RORA: variants seen among roughly 807,000 people sequenced by gnomAD.
RORA encodes the protein RAR related orphan receptor A, also known as nuclear receptor ROR-alpha.
A neutral mutation model predicts 69.5 loss-of-function variants in RORA; 7 were observed. The ratio of observed to expected loss-of-function variants is 0.10; its 90% CI spans 0.06 to 0.19. RORA has a LOEUF of 0.19. RORA is among the 10% of genes least tolerant of loss of function. The pLI, the probability that RORA is intolerant of heterozygous loss-of-function variation, is 1.00. For synonymous variants in RORA, 261 were observed against 240.8 expected (o/e 1.08, Z -0.78); for missense variants, 457 against 663.0 (o/e 0.69, Z 3.41).
At chr15:61,211,394 C>T (rs1289630155) in intron 1 of RORA, among the ~76,000 whole-genome samples, 2 of 152,090 alleles carry the variant, frequency 1.3e-5, no homozygotes, top group African/African-American at 2.4e-5. Context: ...AAACTCCAGC[C>T]GGAGCTCAGC....
In RORA at chr15:60,537,660, G is replaced by A. The variant is rs142979313; in HGVS notation, c.197-5809C>T. ...CATGTTCAATGGCCATCAGGGATGA[G>A]TAGAGCCGAGTTATAGCTGCATCCT... is the stretch of plus-strand genomic sequence containing the variant. On this transcript the variant is annotated intron_variant, in intron 2 of 10. Coordinates refer to ENST00000335670, the MANE Select transcript of RORA (RefSeq NM_134261.3). The surrounding 1 kb of genome is among the most constrained non-coding windows in gnomAD (Gnocchi z 4.9). Among the ~76,000 whole-genome samples, 244 of 152,364 alleles carry A rather than the reference G, an allele frequency of 1.6e-3. 2 individuals are homozygous for A. Among genetic ancestry groups the A allele is most frequent in the African/African-American group, 5.5e-3 (227 of 41,590 alleles).
intron 2 of RORA, among the ~76,000 whole-genome samples, chr15:60,532,544 A>G (rs2066557355): frequency 6.6e-6 from 1 of 152,174 alleles, no homozygotes; most frequent in African/African-American, 2.4e-5. Context: ...TACCCAACTG[A>G]TTACTTAAAG....
intron 1 of RORA, among the ~76,000 whole-genome samples, chr15:60,726,173 TG>T (rs2071354568): frequency 6.6e-6 from 1 of 152,122 alleles, no homozygotes; most frequent in Non-Finnish European, 1.5e-5. Context: ...GACTCCAAAA[TG>T]ATACTCTTTC....
At chr15:61,031,194 G>A (rs965319698) in intron 1 of RORA, among the ~76,000 whole-genome samples, 2 of 152,100 alleles carry the variant, frequency 1.3e-5, no homozygotes, top group African/African-American at 4.8e-5. Context: ...ACTCAATTAT[G>A]ATATAAAGAA....
At chr15:61,138,360 G>A (rs11638581) in intron 1 of RORA, among the ~76,000 whole-genome samples, 84 of 152,216 alleles carry the variant, frequency 5.5e-4, no homozygotes, top group Non-Finnish European at 1.0e-3. Context: ...AGATGGTTTC[G>A]TGTATGCTGA....
chr15:60,633,722 A>C (rs1026809252), intron 2 of RORA, among the ~76,000 whole-genome samples: 3 of 152,208 alleles, frequency 2.0e-5, no homozygotes, highest in Non-Finnish European at 4.4e-5. Context: ...CATTGTATAC[A>C]AGGGAAAACT....
rs1403853241 is a variant in RORA, at chr15:60,489,662, T to C, written c.*7793A>G. 6.6e-6 allele frequency: 1 copy of C among 152,160 alleles called. No homozygotes were observed. Among genetic ancestry groups the C allele is most frequent in the Non-Finnish European group, 1.5e-5 (1 of 68,018 alleles). 9.4% of individuals were successfully genotyped at this position (152,160 alleles called of 1,614,324 possible). On this transcript the variant is annotated 3_prime_UTR_variant, in exon 11 of 11. Transcript: ENST00000335670. ...GGTCATACTGAAACAGAACATCCCA[T>C]GTCGAATTTGCTTTATGGCCCATGT...
rs149199848 is a variant in RORA at position 61,110,847 on chromosome 15, C to T, written c.166+118206G>A. On this transcript the variant is annotated intron_variant, in intron 1 of 10. Transcript: ENST00000335670. ...CGTCCAACTGGATCAGTATTCACAA[C>T]GCAATCCTCATACACCGCACGCCCT... 4.4e-3 allele frequency among the ~76,000 whole-genome samples: 667 copies of T among 152,340 alleles called. 4 individuals carry two copies. The highest frequency in any genetic ancestry group is 0.015 in the African/African-American group (631 of 41,572).
At chr15:61,125,193 C>G (rs749742406) in intron 1 of RORA, among the ~76,000 whole-genome samples, 1 of 152,146 alleles carries the variant, frequency 6.6e-6, no homozygotes, top group African/African-American at 2.4e-5. Context: ...TACCAAAAGC[C>G]AACTATCGTA....
chr15:60,597,372 T>G (rs1238740111), intron 2 of RORA, among the ~76,000 whole-genome samples: 17 of 149,730 alleles, frequency 1.1e-4, no homozygotes, highest in Non-Finnish European at 1.5e-5. Flanking sequence ...AATAGGTGGG[T>G]GGCAGGTGCC....
In RORA at chr15:60,789,297, C is replaced by A. The variant is rs79045397; in HGVS notation, c.167-110611G>T. Among the ~76,000 whole-genome samples, 176 of 152,316 alleles carry A rather than the reference C, an allele frequency of 1.2e-3. 1 individual carries two copies. The highest frequency in any genetic ancestry group is 4.2e-3 in the African/African-American group (173 of 41,584). The stretch of plus-strand genomic sequence containing the variant: ...TCTTCATCCTGGCATCAGAGGCCAT[C>A]CCAGCCCGAAGGAAAATGCCCTCAA... On this transcript the variant is annotated intron_variant, in intron 1 of 10. Transcript: ENST00000335670.
chr15:61,003,135 C>CAA (rs1247223012), intron 1 of RORA, among the ~76,000 whole-genome samples: 1 of 84,314 alleles, frequency 1.2e-5, no homozygotes. Flanking sequence ...GACTCAGTCT[C>CAA]AAAAAAAAAA....
intron 2 of RORA, chr15:60,627,137 T>A: frequency 4.0e-6 from 4 of 990,868 alleles, no homozygotes; most frequent in Non-Finnish European, 6.1e-6. Context: ...CGTCAGATAT[T>A]CTTGGAGAAC....
intron 1 of RORA, among the ~76,000 whole-genome samples, chr15:60,784,260 T>C (rs1267839118): frequency 1.3e-5 from 2 of 152,236 alleles, no homozygotes; most frequent in Non-Finnish European, 2.9e-5. Flanking sequence ...TTGTTCATGT[T>C]ATTCCTTTGC....
At chr15:60,948,176 C>G (rs112941016) in intron 1 of RORA, among the ~76,000 whole-genome samples, 15 of 151,816 alleles carry the variant, frequency 9.9e-5, no homozygotes, top group African/African-American at 3.6e-4. Flanking sequence ...ATTTAAAGTT[C>G]TTTCCAGAGG....
intron 1 of RORA, among the ~76,000 whole-genome samples, chr15:60,928,608 C>A (rs1008651245): frequency 3.3e-5 from 5 of 152,100 alleles, no homozygotes; most frequent in African/African-American, 1.2e-4. Flanking sequence ...TTCTTATACC[C>A]CTTAGAACTG....
Position 60,917,868 on chromosome 15 carries a change from C to T in RORA, c.167-239182G>A, listed in dbSNP as rs74017876. ...TTCAGTGCTGGGTTCAATCTGCCAC[C>T]CTCAAGTGACAAAGCGTGACAGCGT... On this transcript the variant is annotated intron_variant, in intron 1 of 10. Coordinates refer to ENST00000335670, the MANE Select transcript of RORA (RefSeq NM_134261.3). Among the ~76,000 whole-genome samples, 930 of 152,300 alleles carry T rather than the reference C, an allele frequency of 6.1e-3. 12 individuals carry two copies. Among genetic ancestry groups the T allele is most frequent in the African/African-American group, 0.021 (885 of 41,548 alleles).
intron 2 of RORA, among the ~76,000 whole-genome samples, chr15:60,613,033 T>A (rs968104910): frequency 3.3e-5 from 5 of 152,086 alleles, no homozygotes; most frequent in African/African-American, 4.8e-5. Context: ...TTTTTTTTTT[T>A]AATTCTATTT....
At chr15:61,166,662 C>T (rs988946476) in intron 1 of RORA, among the ~76,000 whole-genome samples, 6 of 151,968 alleles carry the variant, frequency 3.9e-5, no homozygotes, top group Non-Finnish European at 8.8e-5. Flanking sequence ...TCAGAGAGGT[C>T]ATCTTTCCAA....
Sources: allele counts gnomAD v4.1 joint callset (sites outside exome capture counted in the v4.1 genomes callset), GRCh38; gene constraint gnomAD v4.1.1; non-coding constraint Gnocchi (gnomAD v3.1); transcripts MANE v1.5; gene names NCBI Gene and HGNC (gene_info 2026-07-23, HGNC 2026-07-21).